GID8: variants seen among roughly 807,000 people sequenced by gnomAD.
The protein encoded by GID8 is GID complex subunit 8 homolog.
GID8 carries 6 observed loss-of-function variants against 27.4 expected under a neutral mutation model. That is an observed-to-expected ratio of 0.22 (90% CI 0.12 to 0.43). The LOEUF (loss-of-function observed/expected upper bound fraction) is 0.43, where lower values mean the gene tolerates loss of function less well. Among genes scored for constraint, GID8 ranks in the 20% least tolerant of loss-of-function variants. The pLI, the probability that GID8 is intolerant of heterozygous loss-of-function variation, is 1.00. For synonymous variants in GID8, 112 were observed against 109.0 expected (o/e 1.03, Z -0.17); for missense variants, 173 against 287.6 (o/e 0.60, Z 2.88).
Position 62,941,477 on chromosome 20 carries a change from T to C in GID8, c.-12-14T>C, listed in dbSNP as rs2065443478. 1.4e-6 allele frequency: 2 copies of C among 1,445,648 alleles called. No individual in the cohort carries two copies. The highest frequency in any genetic ancestry group is 2.3e-5 in the South Asian group (2 of 87,680). The allele number at this position is 1,445,648 out of a possible 1,614,324, so 89.6% of individuals were successfully genotyped here. ...ATCTAAACCCCTCCCTCAGCTGTTA[T>C]TTTTTTCCTGTAGAAATAAATCAGA... On this transcript the variant is annotated splice_polypyrimidine_tract_variant and intron_variant, in intron 1 of 4. Transcript: ENST00000266069.
chr20:62,940,644 C>G (rs117043166), intron 1 of GID8, among the ~76,000 whole-genome samples: 3 of 152,170 alleles, frequency 2.0e-5, no homozygotes, highest in South Asian at 4.1e-4. Flanking sequence ...CCACCGCGCC[C>G]GGCCGCAACT....
At chr20:62,941,688 C>A in intron 2 of GID8, 68 bp downstream of exon 2, 1 of 859,804 alleles carries the variant, frequency 1.2e-6, no homozygotes, top group Non-Finnish European at 2.0e-6. Flanking sequence ...ATAAGGAGTG[C>A]TGTAGCACTG....
chr20:62,942,153 T>A (rs2065446435), intron 2 of GID8, among the ~76,000 whole-genome samples: 1 of 152,194 alleles, frequency 6.6e-6, no homozygotes, highest in Admixed American at 6.5e-5. Context: ...CCCAAATTAA[T>A]CTCTGTGAAA....
Position 62,945,044 on chromosome 20 carries a change from A to G in GID8, c.*132A>G, listed in dbSNP as rs994073505. ...CCCTTGTACTTTTTTTTGACCTGGCATCTTTTTATAGGGAAAAATGGCCTT... is the reference window on the plus strand; with the variant it reads ...CCCTTGTACTTTTTTTTGACCTGGCGTCTTTTTATAGGGAAAAATGGCCTT... On this transcript the variant is annotated 3_prime_UTR_variant, in exon 5 of 5. Coordinates refer to ENST00000266069, the MANE Select transcript of GID8 (RefSeq NM_017896.3). 2.1e-6 allele frequency: 3 copies of G among 1,432,132 alleles called. No individual in the cohort carries two copies. Among genetic ancestry groups the G allele is most frequent in the Admixed American group, 5.7e-5 (2 of 34,814 alleles). The allele number at this position is 1,432,132 out of a possible 1,614,324, so 88.7% of individuals were successfully genotyped here.
At position 62,945,818 on chromosome 20, in the gene GID8, A is replaced by C; in HGVS notation, c.*906A>C. Reference sequence around the variant, plus strand: ...GGCAGCCCTTGGCCGGTGGGGACGCAGAGCCCCAGCAGGTGGTGCACGACT... The same window carrying C: ...GGCAGCCCTTGGCCGGTGGGGACGCCGAGCCCCAGCAGGTGGTGCACGACT... On this transcript the variant is annotated 3_prime_UTR_variant, in exon 5 of 5. Transcript: ENST00000266069. The C allele has an allele frequency of 7.8e-7, 1 of 1,288,372 alleles. No individual in the cohort carries two copies. Among genetic ancestry groups the C allele is most frequent in the Non-Finnish European group, 1.0e-6 (1 of 987,792 alleles). The allele number at this position is 1,288,372 out of a possible 1,614,324, so 79.8% of individuals were successfully genotyped here.
Position 62,947,990 on chromosome 20 carries a change from TCTGGGCTGTTA to T in GID8, c.*3082_*3092del, listed in dbSNP as rs2065473569. ...TAGGGAGCGGGGAGCTGCATTCCCT[TCTGGGCTGTTA>T]CTGCTAAATCTCAGTATGAACAGAC... On this transcript the variant is annotated 3_prime_UTR_variant, in exon 5 of 5. Coordinates refer to ENST00000266069, the MANE Select transcript of GID8 (RefSeq NM_017896.3). 1 of 152,254 alleles carries T rather than the reference TCTGGGCTGTTA, an allele frequency of 6.6e-6. No homozygotes were observed. Among genetic ancestry groups the T allele is most frequent in the Admixed American group, 6.5e-5 (1 of 15,282 alleles). 9.4% of individuals were successfully genotyped at this position (152,254 alleles called of 1,614,324 possible).
At chr20:62,944,125 C>G (rs2065455696) in intron 4 of GID8, among the ~76,000 whole-genome samples, 1 of 152,180 alleles carries the variant, frequency 6.6e-6, no homozygotes, top group South Asian at 2.1e-4. Context: ...TCATGCTCAG[C>G]CTCTCTCTGG....
In GID8 at chr20:62,943,938, C is replaced by T. The variant is rs940075496; in HGVS notation, c.513+246C>T. ...GCAACCCCCGCCTCCTGTGTTCAAG[C>T]GATTCTCCTGCCTCTGCCTCCCAAG... On this transcript the variant is annotated intron_variant, in intron 4 of 4. Transcript: ENST00000266069. The surrounding 1 kb of genome is among the most constrained non-coding windows in gnomAD (Gnocchi z 4.7). 6.6e-6 allele frequency among the ~76,000 whole-genome samples: 1 copy of T among 151,068 alleles called. No homozygotes were observed. Among genetic ancestry groups the T allele is most frequent in the Non-Finnish European group, 1.5e-5 (1 of 67,904 alleles).
Position 62,943,435 on chromosome 20 carries a change from C to T in GID8, c.316-60C>T. 6.9e-7 allele frequency: 1 copy of T among 1,458,096 alleles called. No homozygotes were observed. The highest frequency in any genetic ancestry group is 9.6e-7 in the Non-Finnish European group (1 of 1,042,336). 90.3% of individuals were successfully genotyped at this position (1,458,096 alleles called of 1,614,324 possible). On this transcript the variant is annotated intron_variant, in intron 3 of 4. Coordinates refer to ENST00000266069, the MANE Select transcript of GID8 (RefSeq NM_017896.3). The surrounding 1 kb of genome is among the most constrained non-coding windows in gnomAD (Gnocchi z 4.7). ...TACTTTTGATTGGGACCTGGTACCA[C>T]CTGCCCTAAGTCCCTGGCCTGGGTG...
rs760503284 is a variant in GID8 at position 62,946,334 on chromosome 20, A to C, written c.*1422A>C. The C allele has an allele frequency of 6.1e-5, 17 of 277,708 alleles. No homozygotes were observed. The highest frequency in any genetic ancestry group is 1.3e-3 in the Middle Eastern group (1 of 772). 17.2% of individuals were successfully genotyped at this position (277,708 alleles called of 1,614,324 possible). ...TGCCAGTACCTGAGCCGGTCGGGTC[A>C]TCTGCCTCTGAGGGACCGTCCTCAC... On this transcript the variant is annotated 3_prime_UTR_variant, in exon 5 of 5. Transcript: ENST00000266069.
intron 1 of GID8, among the ~76,000 whole-genome samples, chr20:62,939,264 C>T (rs1352780122): frequency 6.6e-6 from 1 of 152,204 alleles, no homozygotes; most frequent in East Asian, 1.9e-4. Context: ...ACTTTACCTG[C>T]CGCTCCACAT....
rs1243997306 is a variant in GID8 at position 62,945,418 on chromosome 20, A to G, written c.*506A>G. 1 of 986,282 alleles carries G rather than the reference A, an allele frequency of 1.0e-6. No homozygotes were observed. The highest frequency in any genetic ancestry group is 1.2e-6 in the Non-Finnish European group (1 of 829,780). 61.1% of individuals were successfully genotyped at this position (986,282 alleles called of 1,614,324 possible). ...TAAATTTGTAAATCCTAATTCAAAG[A>G]TGGCTCATGTGTGAGGGCATTGAGT... On this transcript the variant is annotated 3_prime_UTR_variant, in exon 5 of 5. Coordinates refer to ENST00000266069, the MANE Select transcript of GID8 (RefSeq NM_017896.3).
chr20:62,941,696 C>CTCCT, intron 2 of GID8, 76 bp downstream of exon 2: 4 of 836,322 alleles, frequency 4.8e-6, no homozygotes, highest in Non-Finnish European at 8.4e-6. Context: ...TGCTGTAGCA[C>CTCCT]TGAGGTTTGA....
chr20:62,938,670 T>C (rs1331653198), intron 1 of GID8: 2 of 152,274 alleles, frequency 1.3e-5, no homozygotes, highest in South Asian at 2.1e-4. Context: ...TGTTTTCTTC[T>C]GCTGAATCTT....
At chr20:62,940,170 T>C (rs1383826548) in intron 1 of GID8, among the ~76,000 whole-genome samples, 4 of 150,746 alleles carry the variant, frequency 2.7e-5, no homozygotes, top group Non-Finnish European at 4.4e-5. Context: ...CAACTCTCTT[T>C]TTCTTTTCTT....
chr20:62,939,830 T>C (rs1178304720), intron 1 of GID8, among the ~76,000 whole-genome samples: 1 of 152,190 alleles, frequency 6.6e-6, no homozygotes, highest in African/African-American at 2.4e-5. Context: ...AGTTTTTTAA[T>C]TTATTGAAAC....
chr20:62,944,472 G>C (rs2065456911), intron 4 of GID8, among the ~76,000 whole-genome samples: 1 of 152,054 alleles, frequency 6.6e-6, no homozygotes, highest in South Asian at 2.1e-4. Flanking sequence ...GAGGGTGCTG[G>C]TATGTCCTGC....
At position 62,944,855 on chromosome 20, in the gene GID8, A is replaced by G; in HGVS notation, c.630A>G (p.Lys210=). 2 of 1,614,172 alleles carry G rather than the reference A, an allele frequency of 1.2e-6. No homozygotes were observed. Among genetic ancestry groups the G allele is most frequent in the Non-Finnish European group, 1.7e-6 (2 of 1,180,010 alleles). ...LWAQNELDQK[K]VKYPKMTDLS... ...CTCAGAACGAGCTGGACCAGAAGAAAGTAAAATATCCCAAAATGACAGACC... is the reference window on the plus strand; with the variant it reads ...CTCAGAACGAGCTGGACCAGAAGAAGGTAAAATATCCCAAAATGACAGACC... Residue 210 remains lysine, a synonymous_variant, in exon 5 of 5, where the codon AAA becomes AAG. Coordinates refer to ENST00000266069, the MANE Select transcript of GID8 (RefSeq NM_017896.3).
At chr20:62,942,097 G>A (rs960327799) in intron 2 of GID8, among the ~76,000 whole-genome samples, 1 of 152,150 alleles carries the variant, frequency 6.6e-6, no homozygotes, top group African/African-American at 2.4e-5. Context: ...GTTTTTAAAA[G>A]ACATGACATG....
Sources: allele counts gnomAD v4.1 joint callset (sites outside exome capture counted in the v4.1 genomes callset), GRCh38; gene constraint gnomAD v4.1.1; non-coding constraint Gnocchi (gnomAD v3.1); transcripts MANE v1.5; gene names NCBI Gene and HGNC (gene_info 2026-07-23, HGNC 2026-07-21).